Variants in SNCAIP observed in about 807,000 individuals in gnomAD.
SNCAIP encodes the protein synuclein alpha interacting protein, also known as synphilin-1.
In SNCAIP, 43 loss-of-function variants were observed where a neutral mutation model predicts 86.7. The observed-to-expected ratio is 0.50, with a 90% confidence interval of 0.39 to 0.64. The LOEUF (loss-of-function observed/expected upper bound fraction) is 0.64, where lower values mean the gene tolerates loss of function less well. Among genes scored for constraint, SNCAIP ranks in the 30% least tolerant of loss-of-function variants. SNCAIP has a pLI of 0.00. For synonymous variants in SNCAIP, 417 were observed against 427.2 expected (o/e 0.98, Z 0.29); for missense variants, 981 against 1,103.1 (o/e 0.89, Z 1.57).
At chr5:122,395,759 A>G (rs1270117500) in intron 2 of SNCAIP, among the ~76,000 whole-genome samples, 2 of 152,158 alleles carry the variant, frequency 1.3e-5, no homozygotes, top group East Asian at 1.9e-4. Flanking sequence ...ACTCATTTCA[A>G]GTAGACTCAG....
intron 10 of SNCAIP, chr5:122,454,291 A>T (rs1336243436): frequency 6.6e-6 from 1 of 152,634 alleles, no homozygotes; most frequent in Non-Finnish European, 1.5e-5. Context: ...CTAAGTCTTT[A>T]TTCAGGCTAG....
At chr5:122,388,084 G>A (rs1338942738) in intron 1 of SNCAIP, among the ~76,000 whole-genome samples, 1 of 152,156 alleles carries the variant, frequency 6.6e-6, no homozygotes, top group Non-Finnish European at 1.5e-5. Flanking sequence ...GAGAGGCTCT[G>A]GGAAAATGGG....
At position 122,432,049 on chromosome 5, in the gene SNCAIP, A is replaced by T; in HGVS notation, c.1263A>T (p.Pro421=). 1.2e-6 allele frequency: 2 copies of T among 1,601,782 alleles called. No homozygotes were observed. The highest frequency in any genetic ancestry group is 2.2e-5 in the East Asian group (1 of 44,772). Reference sequence around the variant, plus strand: ...AACTGAGTTGTTCTAAGGATTTTCCAAGCCTTATTCATTACGCAGGTTGCT... The same window carrying T: ...AACTGAGTTGTTCTAAGGATTTTCCTAGCCTTATTCATTACGCAGGTTGCT... ...IAELSCSKDF[P]SLIHYAGCYG... is the part of the protein sequence containing the mutation. The change falls in exon 6 of 11, where the codon CCA becomes CCT. Residue 421 remains proline, a synonymous_variant. Coordinates refer to ENST00000261368, the MANE Select transcript of SNCAIP (RefSeq NM_005460.4).
intron 1 of SNCAIP, among the ~76,000 whole-genome samples, chr5:122,335,098 AT>A (rs554130175): frequency 6.6e-6 from 1 of 152,166 alleles, no homozygotes; most frequent in African/African-American, 2.4e-5. Context: ...ATTTTTAAGG[AT>A]TTTTTTCCTC....
chr5:122,347,019 T>C (rs1758742630), intron 1 of SNCAIP, among the ~76,000 whole-genome samples: 1 of 152,042 alleles, frequency 6.6e-6, no homozygotes, highest in Non-Finnish European at 1.5e-5. Context: ...TATTACCAAA[T>C]AATTAAAACA....
At chr5:122,419,316 A>G (rs1452984735) in intron 3 of SNCAIP, among the ~76,000 whole-genome samples, 2 of 152,184 alleles carry the variant, frequency 1.3e-5, no homozygotes, top group African/African-American at 4.8e-5. Flanking sequence ...TGTTTGTTCA[A>G]TCAATAGATG....
intron 2 of SNCAIP, among the ~76,000 whole-genome samples, chr5:122,397,444 A>G (rs1770854167): frequency 6.6e-6 from 1 of 152,204 alleles, no homozygotes; most frequent in South Asian, 2.1e-4. Context: ...CACTCTTAAA[A>G]TGATCAAAAG....
Position 122,336,083 on chromosome 5 carries a change from CCTT to C in SNCAIP, c.-47+23805_-47+23807del, listed in dbSNP as rs142576687. On this transcript the variant is annotated intron_variant, in intron 1 of 10. Transcript: ENST00000261368. ...TATATAGTGTTATTACAGAGGGAGG[CCTT>C]CTTCTACAGACAAAATAAGACCAAA... is the stretch of plus-strand genomic sequence containing the variant. Among the ~76,000 whole-genome samples, 1,140 of 152,094 alleles carry C rather than the reference CCTT, an allele frequency of 7.5e-3. 30 individuals are homozygous for C. The highest frequency in any genetic ancestry group is 0.033 in the Admixed American group (498 of 15,264).
chr5:122,443,270 C>T (rs548829242), intron 7 of SNCAIP, among the ~76,000 whole-genome samples: 1 of 152,268 alleles, frequency 6.6e-6, no homozygotes, highest in South Asian at 2.1e-4. Context: ...CAGATTAATC[C>T]AGGTTTGCAG....
At chr5:122,424,899 A>G (rs907366256) in intron 4 of SNCAIP, among the ~76,000 whole-genome samples, 1 of 152,218 alleles carries the variant, frequency 6.6e-6, no homozygotes, top group Non-Finnish European at 1.5e-5. Flanking sequence ...AGCAGCAGTC[A>G]TCATGTTGTT....
At chr5:122,416,483 A>C (rs1775333390) in intron 3 of SNCAIP, among the ~76,000 whole-genome samples, 1 of 152,108 alleles carries the variant, frequency 6.6e-6, no homozygotes, top group Admixed American at 6.6e-5. Context: ...TCCCAGAAAC[A>C]CTCATTCCTC....
At chr5:122,463,430 T>C in intron 10 of SNCAIP, 61 bp from the exon 11 acceptor site, 1 of 971,118 alleles carries the variant, frequency 1.0e-6, no homozygotes. Context: ...TTTAGTGGTA[T>C]TGTCTTGTAA....
At chr5:122,381,103 T>A (rs891652944) in intron 1 of SNCAIP, among the ~76,000 whole-genome samples, 23 of 149,550 alleles carry the variant, frequency 1.5e-4, no homozygotes, top group East Asian at 9.8e-4. Flanking sequence ...CCTTGTTGAC[T>A]TTCTGTCTCG....
At chr5:122,362,593 G>A (rs143407216) in intron 1 of SNCAIP, among the ~76,000 whole-genome samples, 37 of 152,216 alleles carry the variant, frequency 2.4e-4, no homozygotes, top group African/African-American at 6.7e-4. Context: ...GTTTGAAGTC[G>A]GAGAACTCAT....
At chr5:122,422,171 C>T (rs1776516325) in intron 3 of SNCAIP, among the ~76,000 whole-genome samples, 1 of 152,108 alleles carries the variant, frequency 6.6e-6, no homozygotes, top group Non-Finnish European at 1.5e-5. Flanking sequence ...TGTCATATGT[C>T]AGAAAGCACC....
chr5:122,391,112 C>T lies in SNCAIP; in HGVS notation c.-23C>T, dbSNP rs767624303. 17 of 1,598,364 alleles carry T rather than the reference C, an allele frequency of 1.1e-5. No homozygotes were observed. Among genetic ancestry groups the T allele is most frequent in the Non-Finnish European group, 1.7e-6 (2 of 1,165,898 alleles). On this transcript the variant is annotated 5_prime_UTR_variant, in exon 2 of 11. Transcript: ENST00000261368. Reference sequence around the variant, plus strand: ...AGGAATTTATAAGTATTTGACCGTACTCAAAATGTGCAAGGAAGAATAATG... The same window carrying T: ...AGGAATTTATAAGTATTTGACCGTATTCAAAATGTGCAAGGAAGAATAATG...
At chr5:122,383,412 G>C (rs573942780) in intron 1 of SNCAIP, 1 of 152,992 alleles carries the variant, frequency 6.5e-6, no homozygotes, top group African/African-American at 2.4e-5. Context: ...CGCACGGTGC[G>C]CGCACCCACT....
In SNCAIP at chr5:122,425,438, A is replaced by C. The variant is rs779869176; in HGVS notation, c.1089A>C (p.Ala363=). 1 of 1,613,790 alleles carries C rather than the reference A, an allele frequency of 6.2e-7. No homozygotes were observed. Among genetic ancestry groups the C allele is most frequent in the African/African-American group, 1.3e-5 (1 of 74,952 alleles). Residue 363 remains alanine, a synonymous_variant, in exon 5 of 11, where the codon GCA becomes GCC. Coordinates refer to ENST00000261368, the MANE Select transcript of SNCAIP (RefSeq NM_005460.4). ...ATATTGCGGCGTCACAGGGACACGCAGAGTGTCTACAGCACCTCACTTCTT... is the reference window on the plus strand; with the variant it reads ...ATATTGCGGCGTCACAGGGACACGCCGAGTGTCTACAGCACCTCACTTCTT... ...LLHIAASQGH[A]ECLQHLTSLM... is the part of the protein sequence containing the mutation.
chr5:122,451,531 C>T lies in SNCAIP; in HGVS notation c.2684C>T (p.Thr895Ile). 6.2e-7 allele frequency: 1 copy of T among 1,613,824 alleles called. No homozygotes were observed. The highest frequency in any genetic ancestry group is 8.5e-7 in the Non-Finnish European group (1 of 1,180,012). Reference protein sequence around the residue: ...NQLKTSTLPLTSLGRKTDAKG... With the variant: ...NQLKTSTLPLISLGRKTDAKG... ...CTGAAAACCTCTACATTGCCCTTGACCTCACTTGGGAGGAAGACAGATGCC... is the reference window on the plus strand; with the variant it reads ...CTGAAAACCTCTACATTGCCCTTGATCTCACTTGGGAGGAAGACAGATGCC... Residue 895 changes from threonine to isoleucine, a missense_variant, in exon 10 of 11, where the codon ACC becomes ATC. Coordinates refer to ENST00000261368, the MANE Select transcript of SNCAIP (RefSeq NM_005460.4).
Sources: allele counts gnomAD v4.1 joint callset (sites outside exome capture counted in the v4.1 genomes callset), GRCh38; gene constraint gnomAD v4.1.1; transcripts MANE v1.5; gene names NCBI Gene and HGNC (gene_info 2026-07-23, HGNC 2026-07-21).